INTS9: variants seen among roughly 807,000 people sequenced by gnomAD.
INTS9 encodes integrator complex subunit 9, also known as protein related to CPSF subunits of 74 kDa.
INTS9 carries 55 observed loss-of-function variants against 79.7 expected under a neutral mutation model. That is an observed-to-expected ratio of 0.69 (90% CI 0.56 to 0.86). The LOEUF (loss-of-function observed/expected upper bound fraction) is 0.86. Among genes scored for constraint, INTS9 ranks in the 40% least tolerant of loss-of-function variants. INTS9 has a pLI of 0.00. For synonymous variants in INTS9, 319 were observed against 325.2 expected (o/e 0.98, Z 0.20); for missense variants, 721 against 831.5 (o/e 0.87, Z 1.64).
At chr8:28,844,555 G>A (rs1157974327) in intron 4 of INTS9, among the ~76,000 whole-genome samples, 1 of 152,130 alleles carries the variant, frequency 6.6e-6, no homozygotes, top group Non-Finnish European at 1.5e-5. Flanking sequence ...GCTGGGCGTG[G>A]TGGGTCACGC....
chr8:28,793,466 A>T (rs1804026304), intron 10 of INTS9, among the ~76,000 whole-genome samples: 1 of 152,194 alleles, frequency 6.6e-6, no homozygotes, highest in South Asian at 2.1e-4. Context: ...ACAACATGAG[A>T]TTGGGCTTGA....
At chr8:28,844,655 T>C (rs1585459826) in intron 4 of INTS9, among the ~76,000 whole-genome samples, 1 of 151,952 alleles carries the variant, frequency 6.6e-6, no homozygotes, top group African/African-American at 2.4e-5. Flanking sequence ...GTGAAACCCC[T>C]CTGTACTAAA....
rs556092639 is a variant in INTS9 at position 28,832,817 on chromosome 8, C to T, written c.488+2475G>A. On this transcript the variant is annotated intron_variant, in intron 6 of 16. Coordinates refer to ENST00000521022, the MANE Select transcript of INTS9 (RefSeq NM_018250.4). ...TCTCTACTAAAAATACAAAAATTAG[C>T]TGGGCATGGTGGCGCTCACCTGTGG... 1.1e-4 allele frequency among the ~76,000 whole-genome samples: 16 copies of T among 151,912 alleles called. No individual in the cohort carries two copies. The East Asian group carries it at 2.9e-3, about 28-fold the overall frequency.
At chr8:28,775,147 A>G (rs1203068897) in intron 14 of INTS9, among the ~76,000 whole-genome samples, 7 of 152,190 alleles carry the variant, frequency 4.6e-5, no homozygotes, top group South Asian at 2.1e-4. Context: ...TCACCATCCT[A>G]TGGTATTTAG....
At position 28,846,768 on chromosome 8, in the gene INTS9, C is replaced by T; in HGVS notation, c.240G>A (p.Val80=). The change falls in exon 4 of 17, where the codon GTG becomes GTA. Residue 80 remains valine, a synonymous_variant. Coordinates refer to ENST00000521022, the MANE Select transcript of INTS9 (RefSeq NM_018250.4). ...TTACCTCTGGTAAACAGAATTCCGG[C>T]ACAGAATCCACAAATACATGACCCG... ...ECSGHVFVDS[V]PEFCLPETEL... 3 of 1,613,500 alleles carry T rather than the reference C, an allele frequency of 1.9e-6. No homozygotes were observed. Among genetic ancestry groups the T allele is most frequent in the Non-Finnish European group, 2.5e-6 (3 of 1,179,502 alleles).
rs1190675851 is a variant in INTS9 at position 28,813,522 on chromosome 8, T to C, written c.579A>G (p.Lys193=). The change falls in exon 7 of 17, where the codon AAA becomes AAG. Residue 193 remains lysine (K), a synonymous_variant. Coordinates refer to ENST00000521022, the MANE Select transcript of INTS9 (RefSeq NM_018250.4). ...TMQEVNSALS[K]IQLVGYSQKI... ...TCTGAGAATATCCCACCAGCTGGAT[T>C]TTACTAAGGGCAGAGTTCACCTCTT... 3 of 1,613,594 alleles carry C rather than the reference T, an allele frequency of 1.9e-6. No homozygotes were observed. Among genetic ancestry groups the C allele is most frequent in the Non-Finnish European group, 1.7e-6 (2 of 1,179,710 alleles).
intron 12 of INTS9, 52 bp from the exon 13 acceptor site, chr8:28,778,005 C>A: frequency 6.6e-7 from 1 of 1,519,256 alleles, no homozygotes; most frequent in South Asian, 1.3e-5. Flanking sequence ...ACAGGAGCTG[C>A]CAAGCCAGAC....
intron 1 of INTS9, among the ~76,000 whole-genome samples, chr8:28,881,106 C>A (rs1172642537): frequency 2.0e-5 from 3 of 150,802 alleles, no homozygotes; most frequent in South Asian, 2.1e-4. Flanking sequence ...CCGGCAGCCA[C>A]CCCGTCCGGG....
intron 8 of INTS9, chr8:28,799,600 A>C (rs1306856602): frequency 1.3e-5 from 2 of 152,168 alleles, no homozygotes; most frequent in Admixed American, 6.5e-5. Flanking sequence ...CTGACACCTC[A>C]AACAACTCCA....
chr8:28,846,886 C>A, intron 3 of INTS9, 77 bp from the exon 4 acceptor site: 2 of 1,092,024 alleles, frequency 1.8e-6, no homozygotes, highest in Non-Finnish European at 2.8e-6. Context: ...ACTCCCCAAA[C>A]AAAACTTTTC....
At chr8:28,825,921 T>C (rs1806117107) in intron 6 of INTS9, among the ~76,000 whole-genome samples, 1 of 152,228 alleles carries the variant, frequency 6.6e-6, no homozygotes, top group African/African-American at 2.4e-5. Context: ...TTTCCCATCT[T>C]TCCTTTTAAA....
chr8:28,787,464 C>T (rs757940055), intron 11 of INTS9, among the ~76,000 whole-genome samples: 15 of 152,112 alleles, frequency 9.9e-5, no homozygotes, highest in Non-Finnish European at 1.6e-4. Flanking sequence ...CAAAATGTTC[C>T]AGTATCTGAA....
Position 28,836,146 on chromosome 8 carries a change from C to T in INTS9, c.402-768G>A, listed in dbSNP as rs1168690361. On this transcript the variant is annotated intron_variant, in intron 5 of 16. Coordinates refer to ENST00000521022, the MANE Select transcript of INTS9 (RefSeq NM_018250.4). The stretch of plus-strand genomic sequence containing the variant: ...ATTTTAAATGGATAAAATAAGTTTT[C>T]TTGATATGTTTTAGGAATTAGCAAA... Among the ~76,000 whole-genome samples the T allele has an allele frequency of 2.6e-5, 4 of 152,252 alleles. No individual in the cohort carries two copies. The South Asian group carries it at 8.3e-4, about 32-fold the overall frequency.
At chr8:28,829,553 G>A (rs1300056570) in intron 6 of INTS9, among the ~76,000 whole-genome samples, 1 of 152,174 alleles carries the variant, frequency 6.6e-6, no homozygotes, top group Non-Finnish European at 1.5e-5. Flanking sequence ...ATTCTTCTGA[G>A]TTTGAAAGTT....
chr8:28,861,049 TATG>T (rs1289339616), intron 1 of INTS9, among the ~76,000 whole-genome samples: 3 of 152,256 alleles, frequency 2.0e-5, no homozygotes, highest in Non-Finnish European at 4.4e-5. Context: ...CAAGTTTATG[TATG>T]ATGATTATAT....
chr8:28,801,772 C>T (rs1804542020), intron 8 of INTS9, among the ~76,000 whole-genome samples: 1 of 152,036 alleles, frequency 6.6e-6, no homozygotes, highest in African/African-American at 2.4e-5. Context: ...GCCACCATGG[C>T]CAGCTAATTT....
chr8:28,806,026 T>G (rs181811953), intron 8 of INTS9, among the ~76,000 whole-genome samples: 87 of 151,974 alleles, frequency 5.7e-4, no homozygotes, highest in African/African-American at 2.0e-3. Context: ...GGCCAGGAGT[T>G]TGAGACCAGC....
intron 8 of INTS9, chr8:28,799,377 G>A (rs1019001773): frequency 1.3e-5 from 2 of 152,194 alleles, no homozygotes; most frequent in Non-Finnish European, 2.9e-5. Context: ...TTCTTCCTTT[G>A]AATGTTAAAT....
intron 1 of INTS9, among the ~76,000 whole-genome samples, chr8:28,888,256 G>A (rs983832972): frequency 1.3e-5 from 2 of 152,134 alleles, no homozygotes; most frequent in Admixed American, 1.3e-4. Flanking sequence ...TGAACACAGT[G>A]AATTATAATT....
Sources: gnomAD v4.1 joint callset for allele counts (sites outside exome capture counted in the v4.1 genomes callset) on GRCh38, gnomAD v4.1.1 for gene constraint, MANE v1.5 for transcripts, NCBI Gene and HGNC (gene_info 2026-07-23, HGNC 2026-07-21) for gene names.